The following ROBO2 variants were observed in gnomAD, a reference collection of about 807,000 sequenced individuals.
ROBO2 encodes roundabout homolog 2.
In ROBO2, 53 loss-of-function variants were observed where a neutral mutation model predicts 160.8. The ratio of observed to expected loss-of-function variants is 0.33; its 90% CI spans 0.26 to 0.41. The LOEUF is 0.41. ROBO2 is among the 10% of genes least tolerant of loss of function. ROBO2 has a pLI of 1.00. For synonymous variants in ROBO2, 664 were observed against 611.7 expected (o/e 1.09, Z -1.26); for missense variants, 1,577 against 1,722.4 (o/e 0.92, Z 1.49).
intron 2 of ROBO2, among the ~76,000 whole-genome samples, chr3:77,252,411 C>A (rs534039731): frequency 5.3e-5 from 8 of 152,250 alleles, no homozygotes; most frequent in Middle Eastern, 3.4e-3. Context: ...AAAACAATTA[C>A]TGACTCAGCA....
intron 2 of ROBO2, among the ~76,000 whole-genome samples, chr3:76,092,744 G>T (rs779841623): frequency 6.6e-6 from 1 of 152,084 alleles, no homozygotes; most frequent in Non-Finnish European, 1.5e-5. Context: ...AAGAATTGTT[G>T]CCAGGTCATA....
At chr3:75,986,396 T>G (rs2065415725) in intron 2 of ROBO2, among the ~76,000 whole-genome samples, 1 of 151,660 alleles carries the variant, frequency 6.6e-6, no homozygotes, top group Non-Finnish European at 1.5e-5. Flanking sequence ...TCAGGCTATT[T>G]GTTTTATTTT....
At chr3:77,481,786 G>A (rs1199621500) in intron 4 of ROBO2, among the ~76,000 whole-genome samples, 62 of 152,094 alleles carry the variant, frequency 4.1e-4, no homozygotes, top group Non-Finnish European at 4.4e-5. Context: ...GCTCTCCTTA[G>A]CTGGTTAAAT....
chr3:76,875,158 C>T (rs1483177291), intron 2 of ROBO2, among the ~76,000 whole-genome samples: 1 of 152,128 alleles, frequency 6.6e-6, no homozygotes, highest in East Asian at 1.9e-4. Flanking sequence ...TCCCTTCTGC[C>T]ATGTGAGGAT....
chr3:76,479,331 T>C (rs2079094077), intron 2 of ROBO2, among the ~76,000 whole-genome samples: 1 of 152,196 alleles, frequency 6.6e-6, no homozygotes. Flanking sequence ...GCTGTGCTTT[T>C]ATGTGTTTGG....
chr3:77,189,726 A>G (rs754460592), intron 2 of ROBO2, among the ~76,000 whole-genome samples: 7 of 151,950 alleles, frequency 4.6e-5, no homozygotes, highest in Non-Finnish European at 1.0e-4. Context: ...GGCAAAAACT[A>G]TTTCGATAGA....
At chr3:76,009,330 C>T (rs2066128182) in intron 2 of ROBO2, among the ~76,000 whole-genome samples, 1 of 152,154 alleles carries the variant, frequency 6.6e-6, no homozygotes, top group South Asian at 2.1e-4. Flanking sequence ...GTCTCGATCT[C>T]CTGACCTCGT....
At chr3:77,380,453 T>C (rs1473813858) in intron 2 of ROBO2, among the ~76,000 whole-genome samples, 1 of 152,148 alleles carries the variant, frequency 6.6e-6, no homozygotes, top group Admixed American at 6.5e-5. Flanking sequence ...TGTAACGTCA[T>C]GTTAAAACAT....
chr3:76,206,790 T>C (rs1702834749), intron 2 of ROBO2, among the ~76,000 whole-genome samples: 1 of 152,154 alleles, frequency 6.6e-6, no homozygotes, highest in African/African-American at 2.4e-5. Flanking sequence ...ACATCCCCCA[T>C]GGAAGATTGT....
chr3:76,882,914 T>C (rs1233767534), intron 2 of ROBO2, among the ~76,000 whole-genome samples: 1 of 152,236 alleles, frequency 6.6e-6, no homozygotes, highest in African/African-American at 2.4e-5. Flanking sequence ...CAAATGGTTT[T>C]GGATTCAGTC....
At chr3:76,141,871 A>G (rs1018503882) in intron 2 of ROBO2, among the ~76,000 whole-genome samples, 2 of 152,152 alleles carry the variant, frequency 1.3e-5, no homozygotes, top group Admixed American at 1.3e-4. Context: ...GAGCACAGGC[A>G]TTGTTAATTT....
chr3:76,089,261 A>G (rs760746312), intron 2 of ROBO2, among the ~76,000 whole-genome samples: 6 of 152,048 alleles, frequency 3.9e-5, no homozygotes, highest in East Asian at 1.9e-4. Flanking sequence ...TACATTTATA[A>G]AATAAATTAT....
intron 2 of ROBO2, among the ~76,000 whole-genome samples, chr3:76,406,456 T>C (rs536737240): frequency 1.3e-5 from 2 of 151,948 alleles, no homozygotes; most frequent in South Asian, 2.1e-4. Context: ...GCAGTGATTA[T>C]TTCATATTCC....
At chr3:76,652,540 C>T (rs1375725724) in intron 2 of ROBO2, among the ~76,000 whole-genome samples, 1 of 152,172 alleles carries the variant, frequency 6.6e-6, no homozygotes, top group Non-Finnish European at 1.5e-5. Context: ...ATCTTGATTA[C>T]ATTTTTAATA....
intron 2 of ROBO2, among the ~76,000 whole-genome samples, chr3:76,752,408 A>C (rs1366782233): frequency 3.3e-5 from 5 of 151,700 alleles, no homozygotes; most frequent in Non-Finnish European, 5.9e-5. Context: ...CACGTTGTGC[A>C]CATGTACCCT....
chr3:76,739,371 A>G (rs1221911649), intron 2 of ROBO2, among the ~76,000 whole-genome samples: 2 of 152,008 alleles, frequency 1.3e-5, no homozygotes, highest in African/African-American at 4.8e-5. Flanking sequence ...TCAGCAAACT[A>G]TCACAAGGAC....
At chr3:77,134,010 C>G (rs1253315834) in intron 2 of ROBO2, among the ~76,000 whole-genome samples, 1 of 152,076 alleles carries the variant, frequency 6.6e-6, no homozygotes, top group South Asian at 2.1e-4. Flanking sequence ...AATCCCGTCT[C>G]TACTAAAAAT....
intron 2 of ROBO2, among the ~76,000 whole-genome samples, chr3:77,302,064 GACTA>G (rs1459916897): frequency 6.6e-6 from 1 of 151,696 alleles, no homozygotes; most frequent in Non-Finnish European, 1.5e-5. Flanking sequence ...CACCACACCT[GACTA>G]ACTAAAGAAC....
Position 76,563,105 on chromosome 3 carries a change from A to AT in ROBO2, c.110-534898dup, listed in dbSNP as rs935715135. 3.5e-3 allele frequency among the ~76,000 whole-genome samples: 516 copies of AT among 147,768 alleles called. 2 individuals carry two copies. Among genetic ancestry groups the AT allele is most frequent in the African/African-American group, 8.1e-3 (327 of 40,568 alleles). On this transcript the variant is annotated intron_variant, in intron 2 of 26. Coordinates refer to the ROBO2 transcript ENST00000487694. ...TGCCTATCCTTTCTCAAACTGAAGG[A>AT]TTTTTTTTTTTATGATGCTGTTCTG...
Sources: gnomAD v4.1 joint callset for allele counts (sites outside exome capture counted in the v4.1 genomes callset) on GRCh38, gnomAD v4.1.1 for gene constraint, MANE v1.5 for transcripts, NCBI Gene and HGNC (gene_info 2026-07-23, HGNC 2026-07-21) for gene names.